The following RUFY3 variants were observed in gnomAD, a reference collection of about 807,000 sequenced individuals.
RUFY3 encodes protein RUFY3.
Under a neutral mutation model 84.0 loss-of-function variants are expected in RUFY3, and 34 were observed. The observed-to-expected ratio is 0.40, with a 90% confidence interval of 0.31 to 0.54. RUFY3 has a LOEUF of 0.54. Among genes scored for constraint, RUFY3 ranks in the 20% least tolerant of loss-of-function variants. The probability of loss-of-function intolerance (pLI) is 0.39; values close to 1 mark genes in which losing one functional copy is unlikely to be tolerated. For synonymous variants in RUFY3, 242 were observed against 252.9 expected (o/e 0.96, Z 0.41); for missense variants, 507 against 736.8 (o/e 0.69, Z 3.61).
chr4:70,789,566 T>C lies in RUFY3; in HGVS notation c.1311T>C (p.Ala437=). Residue 437 remains alanine (A), a synonymous_variant, in exon 12 of 18, where the codon GCT becomes GCC. Coordinates refer to ENST00000381006, the MANE Select transcript of RUFY3 (RefSeq NM_001037442.4). ...TGGAAGAGAAGACTAATCAGATGGC[T>C]GCTACCATTAAACAACTTGAACAAA... is the stretch of plus-strand genomic sequence containing the variant. ...SRLEEKTNQM[A]ATIKQLEQRL... is the part of the protein sequence containing the mutation. 1 of 1,612,846 alleles carries C rather than the reference T, an allele frequency of 6.2e-7. No individual in the cohort carries two copies. Among genetic ancestry groups the C allele is most frequent in the South Asian group, 1.1e-5 (1 of 90,934 alleles).
rs186669165 is a variant in RUFY3, at chr4:70,803,528, A to C, written c.1650+545A>C. 1.3e-4 allele frequency among the ~76,000 whole-genome samples: 20 copies of C among 151,314 alleles called. No homozygotes were observed. The South Asian group carries it at 4.0e-3, about 30-fold the overall frequency. ...GGGGTGCAGTGGACGATCTCAGCTCACTGAAGCCTCAACTTCCCGAGCTTA... is the reference window on the plus strand; with the variant it reads ...GGGGTGCAGTGGACGATCTCAGCTCCCTGAAGCCTCAACTTCCCGAGCTTA... On this transcript the variant is annotated intron_variant, in intron 16 of 17. Transcript: ENST00000381006.
chr4:70,754,569 A>G (rs866954456), intron 1 of RUFY3, among the ~76,000 whole-genome samples: 2 of 151,140 alleles, frequency 1.3e-5, no homozygotes, highest in Admixed American at 6.6e-5. Context: ...ATAAAAGTTC[A>G]TGATTGTCTC....
upstream of RUFY3, chr4:70,721,898 A>G (rs11735210): frequency 0.16 from 199,507 of 1,230,752 alleles, 17,384 homozygotes; most frequent in Non-Finnish European, 0.17. Context: ...GCATCTATAA[A>G]GCATCCTGGG....
rs565952604 is a variant in RUFY3, at chr4:70,729,940, T to TG, written c.178+7189_178+7190insG. ...TATGCATTTTTGTTTCTTTCGTTTTTTTTTTTTTTTTGAGATGGAGTCTCG... is the reference window on the plus strand; with the variant it reads ...TATGCATTTTTGTTTCTTTCGTTTTTGTTTTTTTTTTTGAGATGGAGTCTCG... On this transcript the variant is annotated intron_variant, in intron 1 of 17. Coordinates refer to ENST00000381006, the MANE Select transcript of RUFY3 (RefSeq NM_001037442.4). Among the ~76,000 whole-genome samples, 122 of 150,176 alleles carry TG rather than the reference T, an allele frequency of 8.1e-4. No homozygotes were observed. In the South Asian group the frequency reaches 0.011, roughly 14 times the overall value.
intron 2 of RUFY3, among the ~76,000 whole-genome samples, 183 bp downstream of exon 2, chr4:70,762,875 A>G (rs2148706784): frequency 6.6e-6 from 1 of 152,342 alleles, no homozygotes; most frequent in East Asian, 1.9e-4. Flanking sequence ...ATAGGGCTTT[A>G]AAAATACAGA....
intron 5 of RUFY3, among the ~76,000 whole-genome samples, chr4:70,772,031 G>C (rs949599758): frequency 6.6e-6 from 1 of 151,804 alleles, no homozygotes; most frequent in Non-Finnish European, 1.5e-5. Flanking sequence ...GGTTGGTCTT[G>C]CTGTCTCAGG....
intron 12 of RUFY3, chr4:70,791,438 A>C: frequency 7.1e-7 from 1 of 1,400,652 alleles, no homozygotes; most frequent in Non-Finnish European, 9.3e-7. Flanking sequence ...TGGACTTTTA[A>C]AAAACCAGTT....
chr4:70,706,585 A>G (rs1209452717), intron 1 of RUFY3, among the ~76,000 whole-genome samples: 1 of 152,146 alleles, frequency 6.6e-6, no homozygotes, highest in Admixed American at 6.5e-5. Flanking sequence ...AAATCTAACA[A>G]GAGATCCAAA....
At position 70,779,794 on chromosome 4, in the gene RUFY3, G is replaced by A. The variant is rs899856190; in HGVS notation, c.894+1356G>A. Among the ~76,000 whole-genome samples the A allele has an allele frequency of 3.6e-4, 54 of 151,890 alleles. 1 individual carries two copies. The highest frequency in any genetic ancestry group is 1.4e-3 in the Admixed American group (21 of 15,254). On this transcript the variant is annotated intron_variant, in intron 8 of 17. Coordinates refer to ENST00000381006, the MANE Select transcript of RUFY3 (RefSeq NM_001037442.4). ...TTGCCATGTTGCCCATGCTGGTCCT[G>A]AACTGCTGAGCTCAAGTGACCCGCC...
chr4:70,722,864 C>A, intron 1 of RUFY3, 113 bp downstream of exon 1: 1 of 989,430 alleles, frequency 1.0e-6, no homozygotes, highest in Non-Finnish European at 1.4e-6. Context: ...TGTTAACAGT[C>A]CTGAAAACCT....
At chr4:70,726,194 C>G (rs1369999359) in intron 1 of RUFY3, among the ~76,000 whole-genome samples, 2 of 152,132 alleles carry the variant, frequency 1.3e-5, no homozygotes, top group East Asian at 3.9e-4. Context: ...TACCCGATGA[C>G]TGAGGGGCTG....
At chr4:70,759,526 T>C (rs570438344) in intron 1 of RUFY3, among the ~76,000 whole-genome samples, 2 of 152,296 alleles carry the variant, frequency 1.3e-5, no homozygotes, top group South Asian at 4.1e-4. Context: ...TCCTTTCCTT[T>C]GGATAAATAT....
intron 1 of RUFY3, among the ~76,000 whole-genome samples, chr4:70,742,043 GA>G: frequency 1.3e-5 from 2 of 152,126 alleles, no homozygotes; most frequent in East Asian, 3.9e-4. Context: ...CAGATCCCAG[GA>G]ATCTAGTGGT....
chr4:70,802,274 AC>A (rs1174255785), intron 15 of RUFY3, among the ~76,000 whole-genome samples: 1 of 152,130 alleles, frequency 6.6e-6, no homozygotes, highest in African/African-American at 2.4e-5. Flanking sequence ...AAACCTGGTC[AC>A]CCCATGGTGT....
intron 1 of RUFY3, among the ~76,000 whole-genome samples, chr4:70,736,975 A>G (rs1452216439): frequency 6.6e-6 from 1 of 152,254 alleles, no homozygotes; most frequent in Admixed American, 6.5e-5. Context: ...TATGTGTATA[A>G]CTTGAATATT....
intron 1 of RUFY3, among the ~76,000 whole-genome samples, chr4:70,730,572 C>CAAAAAAAA (rs796173421): frequency 2.8e-5 from 3 of 106,548 alleles, no homozygotes; most frequent in African/African-American, 1.0e-4. Flanking sequence ...ACTAAAAATA[C>CAAAAAAAA]AAAAAAAAAA....
chr4:70,796,852 A>G (rs766427436), intron 14 of RUFY3, among the ~76,000 whole-genome samples: 1 of 151,944 alleles, frequency 6.6e-6, no homozygotes, highest in Non-Finnish European at 1.5e-5. Flanking sequence ...TCTTCCATCC[A>G]TGCTTCACCA....
exon 1 of RUFY3, chr4:70,705,064 A>C (rs1164565700): frequency 7.8e-7 from 1 of 1,289,068 alleles, no homozygotes; most frequent in African/African-American, 1.6e-5. Flanking sequence ...CGAGAGGGCG[A>C]GGCGGGGCCG....
chr4:70,725,528 T>G (rs778278233), intron 1 of RUFY3, among the ~76,000 whole-genome samples: 8 of 152,094 alleles, frequency 5.3e-5, no homozygotes, highest in Non-Finnish European at 1.0e-4. Context: ...ACGGGGTTTT[T>G]GCATGTTGAT....
Sources: gnomAD v4.1 joint callset for allele counts (sites outside exome capture counted in the v4.1 genomes callset) on GRCh38, gnomAD v4.1.1 for gene constraint, MANE v1.5 for transcripts, NCBI Gene and HGNC (gene_info 2026-07-23, HGNC 2026-07-21) for gene names.